PARD3B: variants seen among roughly 807,000 people sequenced by gnomAD.
PARD3B encodes partitioning defective 3 homolog B.
PARD3B carries 103 observed loss-of-function variants against 130.2 expected under a neutral mutation model. That is an observed-to-expected ratio of 0.79 (90% CI 0.67 to 0.93). The LOEUF is 0.93. Ranked by LOEUF, PARD3B falls within the 40% of genes least tolerant of loss-of-function variation. The pLI is 0.00. For missense variants in PARD3B, 1,609 were observed against 1,499.2 expected (o/e 1.07, Z -1.21); for synonymous variants, 583 against 553.2 (o/e 1.05, Z -0.76).
chr2:204,878,400 T>C (rs2045924062), intron 2 of PARD3B, among the ~76,000 whole-genome samples: 1 of 152,168 alleles, frequency 6.6e-6, no homozygotes, highest in Admixed American at 6.5e-5. Context: ...TTGTTAAACA[T>C]AAAAACCAGA....
At chr2:205,410,539 G>A (rs887552105) in intron 19 of PARD3B, among the ~76,000 whole-genome samples, 3 of 152,002 alleles carry the variant, frequency 2.0e-5, no homozygotes, top group Non-Finnish European at 4.4e-5. Context: ...CATTTTGTTT[G>A]GATAAAATGC....
chr2:204,813,141 A>G (rs2043022107), intron 2 of PARD3B, among the ~76,000 whole-genome samples: 1 of 152,182 alleles, frequency 6.6e-6, no homozygotes, highest in African/African-American at 2.4e-5. Flanking sequence ...TGTTTCCAAA[A>G]GTGGTTGTAC....
At chr2:204,925,684 A>T (rs146462527) in intron 2 of PARD3B, among the ~76,000 whole-genome samples, 31 of 152,138 alleles carry the variant, frequency 2.0e-4, no homozygotes, top group Admixed American at 3.3e-4. Context: ...AGTGAGATTC[A>T]CACCTCCAAG....
intron 3 of PARD3B, among the ~76,000 whole-genome samples, chr2:204,987,383 T>C (rs992444324): frequency 6.6e-6 from 1 of 152,248 alleles, no homozygotes; most frequent in Non-Finnish European, 1.5e-5. Flanking sequence ...TGTTGATTGA[T>C]AAAATATGTG....
intron 4 of PARD3B, among the ~76,000 whole-genome samples, chr2:205,085,860 A>G (rs1406726869): frequency 6.6e-6 from 1 of 151,688 alleles, no homozygotes; most frequent in Middle Eastern, 3.2e-3. Flanking sequence ...ATTTTATCAT[A>G]TTTATGAATG....
chr2:204,895,476 C>T (rs893821145), intron 2 of PARD3B, among the ~76,000 whole-genome samples: 2 of 151,768 alleles, frequency 1.3e-5, no homozygotes, highest in South Asian at 4.2e-4. Flanking sequence ...GGTATTTAAC[C>T]GATATATATC....
At chr2:205,206,862 C>A (rs1241872377) in intron 15 of PARD3B, among the ~76,000 whole-genome samples, 1 of 150,428 alleles carries the variant, frequency 6.6e-6, no homozygotes, top group Non-Finnish European at 1.5e-5. Flanking sequence ...CTGCACCAAG[C>A]GGACCTAATA....
chr2:204,748,555 ATC>A (rs2040338093), intron 2 of PARD3B, among the ~76,000 whole-genome samples: 1 of 152,042 alleles, frequency 6.6e-6, no homozygotes, highest in Non-Finnish European at 1.5e-5. Flanking sequence ...AGGTTGTTTC[ATC>A]TCACAATCTT....
At chr2:205,228,876 C>G (rs913324818) in intron 15 of PARD3B, among the ~76,000 whole-genome samples, 2 of 152,162 alleles carry the variant, frequency 1.3e-5, no homozygotes, top group African/African-American at 4.8e-5. Context: ...TTGATCAGTT[C>G]TGCTGTTAAG....
At chr2:205,472,137 G>A (rs2048857165) in intron 20 of PARD3B, among the ~76,000 whole-genome samples, 1 of 152,148 alleles carries the variant, frequency 6.6e-6, no homozygotes, top group African/African-American at 2.4e-5. Flanking sequence ...ATAGTTTAAT[G>A]CATATTGTTA....
chr2:204,618,080 A>G (rs553510994), intron 1 of PARD3B, among the ~76,000 whole-genome samples: 58 of 152,240 alleles, frequency 3.8e-4, no homozygotes, highest in African/African-American at 1.4e-3. Flanking sequence ...GCTTTCTCCA[A>G]AGTTATTTCT....
chr2:204,946,474 C>T (rs537931710), intron 2 of PARD3B, among the ~76,000 whole-genome samples: 1 of 151,906 alleles, frequency 6.6e-6, no homozygotes, highest in East Asian at 2.0e-4. Flanking sequence ...TCTGTTAAAT[C>T]AACTCTAGCC....
chr2:205,562,673 T>C lies in PARD3B; in HGVS notation c.3260+9270T>C, dbSNP rs1023132365. ...GTGCCTAGGCATCTGCTTAGAGTAT[T>C]GCTCTATATCTCATTTCTCATAATC... On this transcript the variant is annotated intron_variant, in intron 22 of 22. Transcript: ENST00000406610. This position sits in a 1 kb window ranked among gnomAD's most constrained non-coding sequence, Gnocchi z 5.4. 1.4e-4 allele frequency among the ~76,000 whole-genome samples: 22 copies of C among 152,194 alleles called. No individual in the cohort carries two copies. Among genetic ancestry groups the C allele is most frequent in the African/African-American group, 5.3e-4 (22 of 41,446 alleles).
chr2:205,511,395 T>C (rs922961535), intron 21 of PARD3B, among the ~76,000 whole-genome samples: 3 of 152,214 alleles, frequency 2.0e-5, no homozygotes, highest in Admixed American at 6.5e-5. Flanking sequence ...AAAAGAACTC[T>C]TTCTGCTTTT....
chr2:204,547,119 G>C (rs763384313), intron 1 of PARD3B, among the ~76,000 whole-genome samples: 10 of 152,076 alleles, frequency 6.6e-5, no homozygotes, highest in African/African-American at 2.4e-4. Context: ...ATAGTGGGTT[G>C]GTCAATCTAG....
chr2:204,868,636 A>G lies in PARD3B; in HGVS notation c.223-96516A>G, dbSNP rs10185936. ...CAAGCTCTGCTACTGTAACAACTTC[A>G]TGGGAGGAACTCTACTTTTAGTGAA... On this transcript the variant is annotated intron_variant, in intron 2 of 22. Coordinates refer to ENST00000406610, the MANE Select transcript of PARD3B (RefSeq NM_001302769.2). Among the ~76,000 whole-genome samples the G allele has an allele frequency of 4.1e-3, 624 of 152,322 alleles. 7 individuals carry two copies. Among genetic ancestry groups the G allele is most frequent in the African/African-American group, 0.014 (600 of 41,582 alleles).
In PARD3B at chr2:205,078,698, T is replaced by C. The variant is rs73985912; in HGVS notation, c.505-25728T>C. Among the ~76,000 whole-genome samples the C allele has an allele frequency of 0.013, 2,042 of 152,288 alleles. 30 individuals are homozygous for C. Among genetic ancestry groups the C allele is most frequent in the African/African-American group, 0.045 (1,868 of 41,552 alleles). ...AATCTGGACTGGCCCAGTGACTTAA[T>C]TGAAAATCATAGCGTGCAGCAGACA... On this transcript the variant is annotated intron_variant, in intron 4 of 22. Coordinates refer to ENST00000406610, the MANE Select transcript of PARD3B (RefSeq NM_001302769.2). This position sits in a 1 kb window ranked among gnomAD's most constrained non-coding sequence, Gnocchi z 4.0.
chr2:205,371,634 C>T (rs1344036984), intron 18 of PARD3B, among the ~76,000 whole-genome samples: 12 of 152,094 alleles, frequency 7.9e-5, no homozygotes, highest in Non-Finnish European at 1.5e-5. Flanking sequence ...TTAGAAGATC[C>T]TGGAGATGAT....
At chr2:205,037,593 CTATATATATTT>C (rs1357586130) in intron 3 of PARD3B, among the ~76,000 whole-genome samples, 19 of 147,072 alleles carry the variant, frequency 1.3e-4, no homozygotes, top group Non-Finnish European at 1.9e-4. Context: ...GTACAGTCGA[CTATATATATTT>C]TATATATATT....
Sources: allele counts gnomAD v4.1 joint callset (sites outside exome capture counted in the v4.1 genomes callset), GRCh38; gene constraint gnomAD v4.1.1; non-coding constraint Gnocchi (gnomAD v3.1); transcripts MANE v1.5; gene names NCBI Gene and HGNC (gene_info 2026-07-23, HGNC 2026-07-21).